Variants in MYO5B observed in about 807,000 individuals in gnomAD.
MYO5B encodes the protein unconventional myosin-Vb.
In MYO5B, 143 loss-of-function variants were observed where a neutral mutation model predicts 229.3. That is an observed-to-expected ratio of 0.62 (90% confidence interval 0.54 to 0.72). The LOEUF (loss-of-function observed/expected upper bound fraction) is 0.72, where lower values mean the gene tolerates loss of function less well. Among genes scored for constraint, MYO5B ranks in the 30% least tolerant of loss-of-function variants. The probability of loss-of-function intolerance (pLI) is 0.00; values close to 1 mark genes in which losing one functional copy is unlikely to be tolerated. For missense variants in MYO5B, 2,321 were observed against 2,331.0 expected, an observed-to-expected ratio of 1.00 and a Z score of 0.09; for synonymous variants, 918 against 885.2, an observed-to-expected ratio of 1.04 and a Z score of -0.66.
At chr18:49,981,823 T>C (rs1346994958) in intron 8 of MYO5B, among the ~76,000 whole-genome samples, 1 of 152,168 alleles carries the variant, frequency 6.6e-6, no homozygotes, top group Non-Finnish European at 1.5e-5. Flanking sequence ...AATTTAAGCG[T>C]CCATCTTGGT....
rs547738154 is a variant in MYO5B, at chr18:50,053,418, TCCGTG to T, written c.138+1845_138+1849del. Among the ~76,000 whole-genome samples, 372 of 152,210 alleles carry T rather than the reference TCCGTG, an allele frequency of 2.4e-3. 3 individuals are homozygous for T. Among genetic ancestry groups the T allele is most frequent in the Non-Finnish European group, 4.1e-3 (280 of 68,008 alleles). ...ACATGGCAGATCATTCCTCACTACC[TCCGTG>T]CAACTTTTTAAAAACACCCACCCAC... On this transcript the variant is annotated intron_variant, in intron 2 of 39. Coordinates refer to ENST00000285039, the MANE Select transcript of MYO5B (RefSeq NM_001080467.3).
chr18:50,072,582 GAA>G (rs2030983509), intron 1 of MYO5B, among the ~76,000 whole-genome samples: 3 of 152,176 alleles, frequency 2.0e-5, no homozygotes, highest in Non-Finnish European at 4.4e-5. Flanking sequence ...CATCAAAAGA[GAA>G]TAATTCCAAT....
intron 30 of MYO5B, among the ~76,000 whole-genome samples, chr18:49,856,149 A>G (rs2024259931): frequency 6.6e-6 from 1 of 152,250 alleles, no homozygotes; most frequent in African/African-American, 2.4e-5. Context: ...TTTCAGGCAC[A>G]GACTCTGGTA....
chr18:49,913,971 C>T (rs2024985387), intron 17 of MYO5B, among the ~76,000 whole-genome samples: 1 of 152,026 alleles, frequency 6.6e-6, no homozygotes, highest in Non-Finnish European at 1.5e-5. Flanking sequence ...CACTCTAACC[C>T]CTGCTTCCAG....
chr18:50,019,066 C>A (rs2026246793), intron 4 of MYO5B, among the ~76,000 whole-genome samples: 1 of 152,118 alleles, frequency 6.6e-6, no homozygotes, highest in South Asian at 2.1e-4. Flanking sequence ...ATTTATTATC[C>A]ACCCGGGAGG....
chr18:50,056,789 C>T (rs1166942580), intron 1 of MYO5B, among the ~76,000 whole-genome samples: 1 of 150,970 alleles, frequency 6.6e-6, no homozygotes, highest in Non-Finnish European at 1.5e-5. Context: ...CCTGACTCCT[C>T]CTACACTTGT....
At chr18:50,182,130 G>GT (rs1285613922) in intron 1 of MYO5B, among the ~76,000 whole-genome samples, 1 of 152,174 alleles carries the variant, frequency 6.6e-6, no homozygotes, top group Non-Finnish European at 1.5e-5. Context: ...CCAAACCTTT[G>GT]TTGCCTGCGT....
intron 1 of MYO5B, among the ~76,000 whole-genome samples, chr18:50,109,426 CTT>C (rs901383493): frequency 2.6e-4 from 34 of 130,502 alleles, no homozygotes; most frequent in Admixed American, 2.3e-4. Context: ...CATGATTTTT[CTT>C]TTTTTTTTTT....
At chr18:50,189,040 C>A (rs748728105) in intron 1 of MYO5B, among the ~76,000 whole-genome samples, 2 of 152,110 alleles carry the variant, frequency 1.3e-5, no homozygotes, top group African/African-American at 4.8e-5. Context: ...AAGAAAAAAA[C>A]CACATGCAAG....
In MYO5B at chr18:50,133,392, C is replaced by T. The variant is rs1385408570; in HGVS notation, c.27+61375G>A. Among the ~76,000 whole-genome samples the T allele has an allele frequency of 3.9e-5, 6 of 152,158 alleles. No homozygotes were observed. In the East Asian group the frequency reaches 9.6e-4, roughly 24 times the overall value. On this transcript the variant is annotated intron_variant, in intron 1 of 39. Transcript: ENST00000285039. ...GCCTTAAACGAGGCTAATGTTTGGG[C>T]CTTAATGCTATTCCAAAGTATTAAA...
intron 17 of MYO5B, among the ~76,000 whole-genome samples, chr18:49,917,695 A>AGCCC (rs1056530865): frequency 3.3e-5 from 5 of 152,168 alleles, no homozygotes; most frequent in African/African-American, 1.2e-4. Flanking sequence ...GTGGGAGAAG[A>AGCCC]GCCCTCATCC....
chr18:50,123,390 G>A (rs1004852342), intron 1 of MYO5B, among the ~76,000 whole-genome samples: 5 of 152,114 alleles, frequency 3.3e-5, no homozygotes, highest in Admixed American at 3.3e-4. Flanking sequence ...CTACTGAACT[G>A]TACACTTTAA....
At chr18:49,952,140 G>T (rs904506790) in intron 14 of MYO5B, among the ~76,000 whole-genome samples, 1 of 152,222 alleles carries the variant, frequency 6.6e-6, no homozygotes, top group South Asian at 2.1e-4. Context: ...CCACGTGATA[G>T]AACAGGGTTT....
chr18:49,864,245 G>A lies in MYO5B; in HGVS notation c.3739C>T (p.Leu1247Phe). 1.2e-6 allele frequency: 2 copies of A among 1,614,138 alleles called. No individual in the cohort carries two copies. The highest frequency in any genetic ancestry group is 1.7e-6 in the Non-Finnish European group (2 of 1,180,042). ...TCGAGCTCCTCGTGGGCCAGCTTGA[G>A]CTGGTTCAGCAGGAGGCTGTAGCTA... is the stretch of plus-strand genomic sequence containing the variant. ...PDSYSLLLNQLKLAHEELEVR... is the reference protein window; with the variant it reads ...PDSYSLLLNQFKLAHEELEVR... Residue 1247 changes from leucine to phenylalanine, a missense_variant, in exon 28 of 40, where the codon CTC (leucine) becomes TTC (phenylalanine). This residue lies in a region of MYO5B where 2,113 missense variants were observed against 2,044.7 expected (regional missense o/e 1.03). Coordinates refer to ENST00000285039, the MANE Select transcript of MYO5B (RefSeq NM_001080467.3).
chr18:50,133,853 A>C (rs1371788712), intron 1 of MYO5B, among the ~76,000 whole-genome samples: 1 of 152,184 alleles, frequency 6.6e-6, no homozygotes, highest in Non-Finnish European at 1.5e-5. Flanking sequence ...CCACAAAAAA[A>C]AGGAGGGAGG....
intron 31 of MYO5B, among the ~76,000 whole-genome samples, chr18:49,851,959 G>C (rs1339352741): frequency 6.6e-6 from 1 of 152,092 alleles, no homozygotes. Flanking sequence ...GTTCTGGAAG[G>C]AGTCTCTCAG....
At chr18:49,897,998 G>A (rs951077168) in intron 21 of MYO5B, among the ~76,000 whole-genome samples, 2 of 152,240 alleles carry the variant, frequency 1.3e-5, no homozygotes, top group Non-Finnish European at 2.9e-5. Context: ...GTTTAGATAC[G>A]TTTAGATACA....
Position 49,826,310 on chromosome 18 carries a change from T to C in MYO5B, c.*161A>G. ...GCAGTAGGTACAAAAAATAATGACA[T>C]AGTTGTGTCTAATTCTGTATAGTTC... On this transcript the variant is annotated 3_prime_UTR_variant, in exon 40 of 40. Coordinates refer to ENST00000285039, the MANE Select transcript of MYO5B (RefSeq NM_001080467.3). The C allele has an allele frequency of 1.2e-6, 1 of 826,858 alleles. No homozygotes were observed. Among genetic ancestry groups the C allele is most frequent in the Non-Finnish European group, 1.9e-6 (1 of 516,376 alleles). 51.2% of individuals were successfully genotyped at this position (826,858 alleles called of 1,614,324 possible). A position where few individuals can be genotyped will look rare whatever the true frequency, so the allele number is the denominator to read the frequency against.
At chr18:50,038,001 C>T (rs2029893683) in intron 3 of MYO5B, among the ~76,000 whole-genome samples, 1 of 152,138 alleles carries the variant, frequency 6.6e-6, no homozygotes, top group South Asian at 2.1e-4. Context: ...CTTGTGTCCC[C>T]TAAAGAATGG....
Sources: allele counts gnomAD v4.1 joint callset (sites outside exome capture counted in the v4.1 genomes callset), GRCh38; gene constraint gnomAD v4.1.1; regional missense constraint gnomAD v4.1.1; transcripts MANE v1.5; gene names NCBI Gene and HGNC (gene_info 2026-07-23, HGNC 2026-07-21).